ANO1: variants seen among roughly 807,000 people sequenced by gnomAD.
The protein encoded by ANO1 is anoctamin 1.
In ANO1, 59 loss-of-function variants were observed where a neutral mutation model predicts 124.0. The ratio of observed to expected loss-of-function variants is 0.48; its 90% CI spans 0.39 to 0.59. The LOEUF (loss-of-function observed/expected upper bound fraction) is 0.59, where lower values mean the gene tolerates loss of function less well. Among genes scored for constraint, ANO1 ranks in the 20% least tolerant of loss-of-function variants. ANO1 has a pLI of 0.00. For synonymous variants in ANO1, 529 were observed against 532.0 expected (o/e 0.99, Z 0.08); for missense variants, 1,059 against 1,328.0 (o/e 0.80, Z 3.15).
At chr11:70,022,406 C>T (rs1213781451) in intron 1 of ANO1, among the ~76,000 whole-genome samples, 2 of 152,066 alleles carry the variant, frequency 1.3e-5, no homozygotes, top group African/African-American at 2.4e-5. Flanking sequence ...CAAGACCAAC[C>T]TGGCCAACAT....
At chr11:70,093,274 CT>C (rs1289176767) in intron 2 of ANO1, among the ~76,000 whole-genome samples, 1 of 149,768 alleles carries the variant, frequency 6.7e-6, no homozygotes, top group Non-Finnish European at 1.5e-5. Flanking sequence ...CTCTCTCCCC[CT>C]CTCTCTCTCC....
the ANO1 span, among the ~76,000 whole-genome samples, chr11:69,967,225 C>A: frequency 1.4e-4 from 4 of 29,414 alleles, no homozygotes; most frequent in Admixed American, 3.7e-4. Context: ...TCCGAGCGCC[C>A]GTATCACACG....
At chr11:70,006,631 T>TC (rs1856491524) in intron 1 of ANO1, among the ~76,000 whole-genome samples, 2 of 151,002 alleles carry the variant, frequency 1.3e-5, no homozygotes, top group Non-Finnish European at 2.9e-5. Context: ...CTTTCTTCTT[T>TC]CTTTTCTTTC....
chr11:70,118,750 CAGAT>C (rs2046103792), intron 8 of ANO1, among the ~76,000 whole-genome samples: 1 of 142,862 alleles, frequency 7.0e-6, no homozygotes, highest in African/African-American at 2.7e-5. Context: ...AGTGGATGGA[CAGAT>C]GGATGGTTGA....
At chr11:70,048,883 G>C (rs1335409695) in intron 1 of ANO1, among the ~76,000 whole-genome samples, 1 of 152,108 alleles carries the variant, frequency 6.6e-6, no homozygotes, top group African/African-American at 2.4e-5. Context: ...ACAGGATCCT[G>C]GACAGTGTGT....
At chr11:70,015,014 G>C (rs1175413629) in intron 1 of ANO1, 1 of 152,124 alleles carries the variant, frequency 6.6e-6, no homozygotes, top group East Asian at 1.9e-4. Flanking sequence ...GAGGTGGCCA[G>C]GTCTAGGGTG....
intron 1 of ANO1, among the ~76,000 whole-genome samples, chr11:70,001,720 T>G (rs1301884164): frequency 6.6e-6 from 1 of 152,126 alleles, no homozygotes; most frequent in Non-Finnish European, 1.5e-5. Context: ...ACATGCTGAG[T>G]TGCACACGTA....
intron 1 of ANO1, chr11:70,085,776 C>A: frequency 7.6e-7 from 1 of 1,314,644 alleles, no homozygotes; most frequent in Non-Finnish European, 1.0e-6. Flanking sequence ...CCCTCTCCCC[C>A]ACTGCAGTGC....
chr11:70,080,234 AG>A (rs774829014), intron 1 of ANO1, among the ~76,000 whole-genome samples: 10 of 152,248 alleles, frequency 6.6e-5, no homozygotes, highest in Non-Finnish European at 1.2e-4. Context: ...GCTACAGGCA[AG>A]GAGACTGAGG....
intron 1 of ANO1, among the ~76,000 whole-genome samples, chr11:70,022,909 G>A (rs992576445): frequency 1.2e-4 from 18 of 152,314 alleles, no homozygotes; most frequent in African/African-American, 3.8e-4. Flanking sequence ...GTAAGAGGAG[G>A]CAGGGGAAGC....
At chr11:70,034,976 T>G (rs1396066902) in intron 1 of ANO1, among the ~76,000 whole-genome samples, 3 of 151,708 alleles carry the variant, frequency 2.0e-5, no homozygotes, top group Non-Finnish European at 4.4e-5. Context: ...CAGGATCTAG[T>G]GGGCCACACC....
chr11:70,126,234 G>C, intron 10 of ANO1, 39 bp downstream of exon 10: 1 of 1,585,748 alleles, frequency 6.3e-7, no homozygotes, highest in Non-Finnish European at 8.6e-7. Context: ...GCAGTACACA[G>C]AGGAGCCCTC....
chr11:70,171,696 G>A (rs968936526), intron 22 of ANO1, among the ~76,000 whole-genome samples: 1 of 152,190 alleles, frequency 6.6e-6, no homozygotes, highest in Non-Finnish European at 1.5e-5. Flanking sequence ...GCTGAGCACC[G>A]TGGCTCACTC....
At chr11:69,985,715 C>T (rs1591016018), upstream of ANO1, among the ~76,000 whole-genome samples, 1 of 152,170 alleles carries the variant, frequency 6.6e-6, no homozygotes, top group Non-Finnish European at 1.5e-5. Flanking sequence ...GCGCCCCGCG[C>T]AGCGGGAGGC....
chr11:70,026,251 A>AATGATG (rs150618791), intron 1 of ANO1, among the ~76,000 whole-genome samples: 49,926 of 141,324 alleles, frequency 0.35, 8,775 homozygotes, highest in Admixed American at 0.42. Context: ...TGGTGATGAC[A>AATGATG]ATGATGATGA....
At chr11:70,084,433 A>G (rs1022129376) in intron 1 of ANO1, among the ~76,000 whole-genome samples, 1 of 152,146 alleles carries the variant, frequency 6.6e-6, no homozygotes, top group Non-Finnish European at 1.5e-5. Context: ...AATTAGATGG[A>G]GCGTCCATCC....
At chr11:70,121,408 C>T (rs1181010968) in intron 8 of ANO1, among the ~76,000 whole-genome samples, 12 of 130,740 alleles carry the variant, frequency 9.2e-5, no homozygotes, top group African/African-American at 1.4e-4. Flanking sequence ...TGTCTCTCTC[C>T]CTGTCTCCCC....
At chr11:70,013,329 AG>A (rs1187694028) in intron 1 of ANO1, among the ~76,000 whole-genome samples, 2 of 152,228 alleles carry the variant, frequency 1.3e-5, no homozygotes, top group African/African-American at 4.8e-5. Flanking sequence ...TGATCTTAAG[AG>A]AAGACAAGAA....
At chr11:70,120,508 C>A (rs914309810) in intron 8 of ANO1, among the ~76,000 whole-genome samples, 7 of 152,242 alleles carry the variant, frequency 4.6e-5, no homozygotes, top group African/African-American at 1.7e-4. Context: ...CAGGTGTGGA[C>A]TGAGGTCTGC....
Sources: gnomAD v4.1 joint callset for allele counts (sites outside exome capture counted in the v4.1 genomes callset) on GRCh38, gnomAD v4.1.1 for gene constraint, MANE v1.5 for transcripts, NCBI Gene and HGNC (gene_info 2026-07-23, HGNC 2026-07-21) for gene names.